The following RGP1 variants were observed in gnomAD, a reference collection of about 807,000 sequenced individuals.
RGP1 encodes RAB6A-GEF complex partner protein 2.
A neutral mutation model predicts 44.5 loss-of-function variants in RGP1; 28 were observed. The observed-to-expected ratio is 0.63, with a 90% CI of 0.47 to 0.86. RGP1 has a LOEUF of 0.86. Among genes scored for constraint, RGP1 ranks in the 40% least tolerant of loss-of-function variants. RGP1 has a pLI of 0.00. For missense variants in RGP1, 417 were observed against 490.7 expected, an observed-to-expected ratio of 0.85 and a Z score of 1.42; for synonymous variants, 212 against 196.7, an observed-to-expected ratio of 1.08 and a Z score of -0.65.
chr9:35,783,934 T>A, the RGP1 span, among the ~76,000 whole-genome samples: 24,722 of 152,230 alleles, frequency 0.16, 2,233 homozygotes, highest in East Asian at 0.31. Context: ...TTTCTCCGCA[T>A]CCTCATGAGC....
downstream of RGP1, among the ~76,000 whole-genome samples, chr9:35,761,348 A>G (rs946476279): frequency 6.6e-6 from 1 of 152,204 alleles, no homozygotes; most frequent in African/African-American, 2.4e-5. Flanking sequence ...CTTCTAGTAC[A>G]CTGGAAGCAG....
chr9:35,753,524 G>A lies in RGP1; in HGVS notation c.*650G>A. On this transcript the variant is annotated 3_prime_UTR_variant, in exon 9 of 9. Transcript: ENST00000378078. This position sits in a 1 kb window ranked among gnomAD's most constrained non-coding sequence, Gnocchi z 4.2. ...CTGAAGCCTTATCTTTCACACTAGT[G>A]TTGGTCCCTTCAGGTTTGGCCCATC... 2 of 818,714 alleles carry A rather than the reference G, an allele frequency of 2.4e-6. No individual in the cohort carries two copies. The highest frequency in any genetic ancestry group is 2.0e-6 in the Non-Finnish European group (1 of 508,122). The allele number at this position is 818,714 out of a possible 1,614,324, so 50.7% of individuals were successfully genotyped here.
At chr9:35,762,072 G>A (rs769746010), downstream of RGP1, among the ~76,000 whole-genome samples, 4 of 152,148 alleles carry the variant, frequency 2.6e-5, no homozygotes, top group Non-Finnish European at 5.9e-5. Flanking sequence ...TTGAACCTGA[G>A]GCAGAGGTTG....
chr9:35,752,039 A>G lies in RGP1; in HGVS notation c.846A>G (p.Ser282=), dbSNP rs1214614831. The G allele has an allele frequency of 6.2e-7, 1 of 1,611,504 alleles. No individual in the cohort carries two copies. The highest frequency in any genetic ancestry group is 8.5e-7 in the Non-Finnish European group (1 of 1,178,548). ...GGGCAGGGGGTGTCCCCTCTGTGTC[A>G]CATGTGACTCACGCCCGGCACCAGG... ...RRGAGGVPSV[S]HVTHARHQES... The change falls in exon 8 of 9, where the codon TCA becomes TCG. Residue 282 remains serine, a synonymous_variant. Transcript: ENST00000378078.
At chr9:35,775,160 A>ATT in the RGP1 span, among the ~76,000 whole-genome samples, 12 of 151,254 alleles carry the variant, frequency 7.9e-5, no homozygotes, top group African/African-American at 2.9e-4. Context: ...CAGTAAATTC[A>ATT]TTTTTTTTTG....
chr9:35,782,050 G>A, the RGP1 span, among the ~76,000 whole-genome samples: 2 of 132,642 alleles, frequency 1.5e-5, no homozygotes, highest in Non-Finnish European at 3.1e-5. Context: ...GCAGTGGTGT[G>A]ATCTCGGCTC....
At position 35,753,225 on chromosome 9, in the gene RGP1, T is replaced by A; in HGVS notation, c.*351T>A. 4 of 1,614,098 alleles carry A rather than the reference T, an allele frequency of 2.5e-6. No individual in the cohort carries two copies. Among genetic ancestry groups the A allele is most frequent in the Non-Finnish European group, 1.7e-6 (2 of 1,180,006 alleles). ...TTTTGCACCAAGGAGAACTGGCAGGTTCCTGCCTCCTGACGTACCTCACAC... is the reference window on the plus strand; with the variant it reads ...TTTTGCACCAAGGAGAACTGGCAGGATCCTGCCTCCTGACGTACCTCACAC... On this transcript the variant is annotated 3_prime_UTR_variant, in exon 9 of 9. Transcript: ENST00000378078. The surrounding 1 kb of genome is among the most constrained non-coding windows in gnomAD (Gnocchi z 4.2).
At chr9:35,784,033 G>T in the RGP1 span, among the ~76,000 whole-genome samples, 2 of 152,126 alleles carry the variant, frequency 1.3e-5, no homozygotes, top group South Asian at 4.1e-4. Context: ...TTTCCCTGAT[G>T]ATTAGTGATA....
Position 35,751,684 on chromosome 9 carries a change from C to G in RGP1, c.692C>G (p.Ser231Cys), listed in dbSNP as rs149109089. The G allele has an allele frequency of 1.1e-3, 1,804 of 1,613,980 alleles. 2 individuals are homozygous for G. The highest frequency in any genetic ancestry group is 1.4e-3 in the Non-Finnish European group (1,666 of 1,179,882). Residue 231 changes from serine (S) to cysteine (C), a missense_variant, in exon 7 of 9, where the codon TCT (serine) becomes TGT (cysteine). By Grantham distance (112) the Ser-to-Cys change is moderately radical. Transcript: ENST00000378078. ...GKVGTFGIFKSVYRLGEDVVG... is the reference protein window; with the variant it reads ...GKVGTFGIFKCVYRLGEDVVG... ...GTTGGGACGTTTGGCATCTTCAAAT[C>G]TGTGTACAGACTTGGCGAGGACGTG...
chr9:35,751,327 G>A lies in RGP1; in HGVS notation c.549G>A (p.Glu183=), dbSNP rs778387352. The A allele has an allele frequency of 5.0e-6, 8 of 1,614,022 alleles. No individual in the cohort carries two copies. In the South Asian group the frequency reaches 6.6e-5, roughly 13 times the overall value. Residue 183 remains glutamate, a synonymous_variant, in exon 6 of 9, where the codon GAG becomes GAA. Coordinates refer to ENST00000378078, the MANE Select transcript of RGP1 (RefSeq NM_001080496.3). ...EAVAPSSPFL[E]EDEGGKKDSW... The stretch of plus-strand genomic sequence containing the variant: ...TAGCCCCATCCAGTCCATTCTTGGA[G>A]GAGGATGAAGGTGGGAAGAAAGATT...
the RGP1 span, among the ~76,000 whole-genome samples, chr9:35,783,774 A>G: frequency 6.6e-6 from 1 of 152,218 alleles, no homozygotes; most frequent in Non-Finnish European, 1.5e-5. Flanking sequence ...CATTTCTTCA[A>G]CATACTGATT....
chr9:35,781,081 T>A, the RGP1 span, among the ~76,000 whole-genome samples: 2 of 151,942 alleles, frequency 1.3e-5, no homozygotes, highest in African/African-American at 4.8e-5. Flanking sequence ...AAAACAAATG[T>A]ATTAAATTAA....
chr9:35,765,379 T>C, the RGP1 span, among the ~76,000 whole-genome samples: 3 of 151,882 alleles, frequency 2.0e-5, no homozygotes, highest in African/African-American at 7.3e-5. Context: ...ACTGCCAGTT[T>C]GGTGCAGTGG....
the RGP1 span, among the ~76,000 whole-genome samples, chr9:35,774,732 A>C: frequency 6.6e-6 from 1 of 152,084 alleles, no homozygotes; most frequent in South Asian, 2.1e-4. Context: ...TCAAAAACAA[A>C]ACAAAAAAAA....
At chr9:35,783,478 T>A in the RGP1 span, among the ~76,000 whole-genome samples, 1 of 152,218 alleles carries the variant, frequency 6.6e-6, no homozygotes, top group African/African-American at 2.4e-5. Context: ...CTCCTGCCTA[T>A]GCTTCCCAAC....
the RGP1 span, among the ~76,000 whole-genome samples, chr9:35,778,626 A>G: frequency 6.6e-6 from 1 of 152,154 alleles, no homozygotes; most frequent in African/African-American, 2.4e-5. Context: ...GGTGGATGCA[A>G]GTCCCTAAAT....
At chr9:35,777,905 A>G in the RGP1 span, among the ~76,000 whole-genome samples, 1 of 152,168 alleles carries the variant, frequency 6.6e-6, no homozygotes, top group Non-Finnish European at 1.5e-5. Flanking sequence ...AGCACCCCAT[A>G]TCAATGACAT....
At chr9:35,761,324 G>A (rs1157697046), downstream of RGP1, among the ~76,000 whole-genome samples, 1 of 152,186 alleles carries the variant, frequency 6.6e-6, no homozygotes, top group Non-Finnish European at 1.5e-5. Flanking sequence ...TGGGCCAAAA[G>A]GTTTGGCAAT....
chr9:35,752,597 G>C, intron 8 of RGP1, 54 bp from the exon 9 acceptor site: 1 of 1,404,100 alleles, frequency 7.1e-7, no homozygotes, highest in Non-Finnish European at 9.9e-7. Context: ...CCTGTCATTG[G>C]CTTTTACTCC....
Sources: allele counts gnomAD v4.1 joint callset (sites outside exome capture counted in the v4.1 genomes callset), GRCh38; gene constraint gnomAD v4.1.1; non-coding constraint Gnocchi (gnomAD v3.1); transcripts MANE v1.5; gene names NCBI Gene and HGNC (gene_info 2026-07-23, HGNC 2026-07-21).